CLCN7: variants seen among roughly 807,000 people sequenced by gnomAD.
CLCN7 encodes Cl-/H+ antiporter 7.
Under a neutral mutation model 102.1 loss-of-function variants are expected in CLCN7, and 60 were observed. The ratio of observed to expected loss-of-function variants is 0.59; its 90% CI spans 0.48 to 0.73. The LOEUF is 0.73. Ranked by LOEUF, CLCN7 falls within the 30% of genes least tolerant of loss-of-function variation. The pLI, the probability that CLCN7 is intolerant of heterozygous loss-of-function variation, is 0.00. For synonymous variants in CLCN7, 560 were observed against 490.5 expected (o/e 1.14, Z -1.87); for missense variants, 962 against 1,125.7 (o/e 0.85, Z 2.08).
rs962573919 is a variant in CLCN7 at position 1,445,494 on chromosome 16, C to G, written c.*1137G>C. Reference sequence around the variant, plus strand: ...GCAGGGGGCCGCACCCAGCCCCCCACGGAGGGACCCGTGTTGCTCTAACAG... The same window carrying G: ...GCAGGGGGCCGCACCCAGCCCCCCAGGGAGGGACCCGTGTTGCTCTAACAG... On this transcript the variant is annotated 3_prime_UTR_variant, in exon 25 of 25. Transcript: ENST00000382745. 7.2e-5 allele frequency: 11 copies of G among 152,074 alleles called. No homozygotes were observed. Among genetic ancestry groups the G allele is most frequent in the Admixed American group, 6.5e-4 (10 of 15,286 alleles). The allele number at this position is 152,074 out of a possible 1,614,324, so 9.4% of individuals were successfully genotyped here.
At chr16:1,470,504 G>A (rs1217864954) in intron 1 of CLCN7, among the ~76,000 whole-genome samples, 1 of 152,192 alleles carries the variant, frequency 6.6e-6, no homozygotes, top group East Asian at 1.9e-4. Flanking sequence ...GAAACAAGGT[G>A]ACACACAAAG....
At position 1,446,121 on chromosome 16, in the gene CLCN7, C is replaced by G. The variant is rs527600278; in HGVS notation, c.*510G>C. 53 of 598,460 alleles carry G rather than the reference C, an allele frequency of 8.9e-5. No homozygotes were observed. Among genetic ancestry groups the G allele is most frequent in the Admixed American group, 1.8e-4 (6 of 33,436 alleles). 37.1% of individuals were successfully genotyped at this position (598,460 alleles called of 1,614,324 possible). A position where few individuals can be genotyped will look rare whatever the true frequency, so the allele number is the denominator to read the frequency against. On this transcript the variant is annotated 3_prime_UTR_variant, in exon 25 of 25. Transcript: ENST00000382745. Reference sequence around the variant, plus strand: ...CAAACCCTGGTGCTACGAGTCCGTGCCTCAGGCCCAGGGACCACAGGCCGT... The same window carrying G: ...CAAACCCTGGTGCTACGAGTCCGTGGCTCAGGCCCAGGGACCACAGGCCGT...
chr16:1,459,228 C>T (rs774641971), intron 6 of CLCN7, 41 bp from the exon 7 acceptor site: 3 of 1,575,042 alleles, frequency 1.9e-6, no homozygotes, highest in African/African-American at 1.3e-5. Context: ...CACGGCCAGG[C>T]TGAGACAGAT....
chr16:1,466,623 C>A (rs189375728), intron 1 of CLCN7: 24 of 152,418 alleles, frequency 1.6e-4, no homozygotes, highest in African/African-American at 5.8e-4. Context: ...AGGAGACGGG[C>A]TCCCCAAACC....
chr16:1,465,417 C>T (rs532475091), intron 1 of CLCN7, 79 bp from the exon 2 acceptor site: 6 of 1,317,672 alleles, frequency 4.6e-6, no homozygotes, highest in East Asian at 2.5e-5. Flanking sequence ...CGCCGCCGCA[C>T]CCTGGCCTCG....
At chr16:1,467,191 G>A (rs1007950842) in intron 1 of CLCN7, among the ~76,000 whole-genome samples, 17 of 152,192 alleles carry the variant, frequency 1.1e-4, no homozygotes, top group Admixed American at 7.2e-4. Context: ...CAGGAGCAGA[G>A]GCCAGACAGA....
At chr16:1,447,765 C>T (rs1437412038) in intron 21 of CLCN7, 51 bp from the exon 22 acceptor site, 9 of 1,529,212 alleles carry the variant, frequency 5.9e-6, no homozygotes, top group African/African-American at 4.1e-5. Context: ...TGGGAGGCTG[C>T]GCTGGAATGC....
Position 1,448,743 on chromosome 16 carries a change from C to G in CLCN7, c.1821G>C (p.Gln607His). 2 of 1,612,538 alleles carry G rather than the reference C, an allele frequency of 1.2e-6. No homozygotes were observed. Among genetic ancestry groups the G allele is most frequent in the Non-Finnish European group, 1.7e-6 (2 of 1,179,970 alleles). Residue 607 changes from glutamine to histidine, a missense_variant, in exon 20 of 25, where the codon CAG (glutamine) becomes CAC (histidine). Gln to His is a conservative substitution (Grantham distance 24). Around this residue, in one of 2 missense-constraint regions of CLCN7, gnomAD observed 799 missense variants for 988.0 expected, o/e 0.81. Transcript: ENST00000382745. The part of the protein sequence containing the change: ...FIEGLYDMHI[Q>H]LQSVPFLHWE... ...AGTGCAGGAAGGGCACACTCTGCAG[C>G]TGAATGTGCATGTCGTACAGGCCCT...
chr16:1,447,227 G>A, intron 23 of CLCN7, 141 bp from the exon 24 acceptor site: 1 of 1,141,994 alleles, frequency 8.8e-7, no homozygotes, highest in Non-Finnish European at 1.3e-6. Context: ...AGCCCCCTCA[G>A]CCCCTTGACT....
At chr16:1,446,759 C>T (rs1420868983) in intron 24 of CLCN7, 42 bp from the exon 25 acceptor site, 6 of 1,504,966 alleles carry the variant, frequency 4.0e-6, no homozygotes, top group Admixed American at 2.0e-5. Context: ...CGGGTCGGCT[C>T]CCGCCTGCCT....
chr16:1,460,320 G>T, intron 6 of CLCN7, 98 bp downstream of exon 6: 2 of 886,356 alleles, frequency 2.3e-6, no homozygotes, highest in Non-Finnish European at 1.9e-6. Flanking sequence ...CAGCCAATGT[G>T]ATGGTGGGGG....
chr16:1,474,494 C>G (rs1183319612), intron 1 of CLCN7: 1 of 332,350 alleles, frequency 3.0e-6, no homozygotes, highest in African/African-American at 2.2e-5. Context: ...CCACTTGCAC[C>G]CCTTTAGGGC....
intron 21 of CLCN7, 121 bp from the exon 22 acceptor site, chr16:1,447,835 G>A (rs562148296): frequency 9.9e-6 from 11 of 1,105,760 alleles, no homozygotes; most frequent in East Asian, 5.2e-5. Flanking sequence ...CATGGGCCCC[G>A]TGTCGGTGGC....
chr16:1,461,434 G>A lies in CLCN7; in HGVS notation c.322C>T (p.Leu108=). Residue 108 remains leucine, a synonymous_variant, in exon 4 of 25, where the codon CTG becomes TTG. Coordinates refer to ENST00000382745, the MANE Select transcript of CLCN7 (RefSeq NM_001287.6). ...DYDNSENQLF[L]EEERRINHTA... is the part of the protein sequence containing the mutation. The stretch of plus-strand genomic sequence containing the variant: ...TGATTGATCCGCCGCTCCTCCTCCA[G>A]GAACAGCTGGTTCTCACTGTTGTCA... The A allele has an allele frequency of 1.3e-6, 2 of 1,556,774 alleles. No individual in the cohort carries two copies. Among genetic ancestry groups the A allele is most frequent in the Non-Finnish European group, 1.7e-6 (2 of 1,150,890 alleles).
intron 12 of CLCN7, 63 bp from the exon 13 acceptor site, chr16:1,454,528 G>A: frequency 2.7e-6 from 4 of 1,459,690 alleles, no homozygotes; most frequent in Non-Finnish European, 3.8e-6. Flanking sequence ...CCTTTCTGCT[G>A]AAACTCAAGG....
At chr16:1,447,284 A>G in intron 23 of CLCN7, 108 bp downstream of exon 23, 1 of 1,260,004 alleles carries the variant, frequency 7.9e-7, no homozygotes, top group East Asian at 2.5e-5. Context: ...AGAGTCACCG[A>G]GTCCTCTCCG....
chr16:1,474,412 G>C, intron 1 of CLCN7: 2 of 338,674 alleles, frequency 5.9e-6, no homozygotes, highest in Non-Finnish European at 1.2e-5. Context: ...CATCTCCCAG[G>C]GGGTCAAAAA....
In CLCN7 at chr16:1,446,142, G is replaced by A; in HGVS notation, c.*489C>T. 1 of 599,376 alleles carries A rather than the reference G, an allele frequency of 1.7e-6. No homozygotes were observed. The highest frequency in any genetic ancestry group is 3.0e-6 in the Non-Finnish European group (1 of 337,452). The allele number at this position is 599,376 out of a possible 1,614,324, so 37.1% of individuals were successfully genotyped here. A position where few individuals can be genotyped will look rare whatever the true frequency, so the allele number is the denominator to read the frequency against. On this transcript the variant is annotated 3_prime_UTR_variant, in exon 25 of 25. Coordinates refer to ENST00000382745, the MANE Select transcript of CLCN7 (RefSeq NM_001287.6). The stretch of plus-strand genomic sequence containing the variant: ...CGTGCCTCAGGCCCAGGGACCACAG[G>A]CCGTCTGCTCATGGCTGAAAATGAG...
chr16:1,461,083 A>C, intron 4 of CLCN7, 135 bp from the exon 5 acceptor site: 2 of 1,212,550 alleles, frequency 1.6e-6, no homozygotes, highest in Non-Finnish European at 2.3e-6. Context: ...GAGTCCCACA[A>C]AGGACAGTTT....
Sources: allele counts gnomAD v4.1 joint callset (sites outside exome capture counted in the v4.1 genomes callset), GRCh38; gene constraint gnomAD v4.1.1; regional missense constraint gnomAD v4.1.1; transcripts MANE v1.5; gene names NCBI Gene and HGNC (gene_info 2026-07-23, HGNC 2026-07-21).